DLGAP4: variants seen among roughly 807,000 people sequenced by gnomAD.
The protein encoded by DLGAP4 is DLG associated protein 4, also known as disks large-associated protein 4.
In DLGAP4, 18 loss-of-function variants were observed where a neutral mutation model predicts 86.9. The observed-to-expected ratio is 0.21, with a 90% CI of 0.14 to 0.31. The LOEUF (loss-of-function observed/expected upper bound fraction) is 0.31, where lower values mean the gene tolerates loss of function less well. DLGAP4 is among the 10% of genes least tolerant of loss of function. The pLI, the probability that DLGAP4 is intolerant of heterozygous loss-of-function variation, is 1.00. For synonymous variants in DLGAP4, 548 were observed against 574.3 expected (o/e 0.95, Z 0.65); for missense variants, 1,085 against 1,362.6 (o/e 0.80, Z 3.21).
At chr20:36,414,389 C>A (rs1012360414) in intron 2 of DLGAP4, among the ~76,000 whole-genome samples, 1 of 152,226 alleles carries the variant, frequency 6.6e-6, no homozygotes, top group Non-Finnish European at 1.5e-5. Context: ...CTGTGGCCAG[C>A]TGTCCCCCAC....
intron 2 of DLGAP4, among the ~76,000 whole-genome samples, chr20:36,405,076 C>T (rs1223778308): frequency 6.6e-6 from 1 of 152,124 alleles, no homozygotes; most frequent in Non-Finnish European, 1.5e-5. Context: ...CTGGGAAGAG[C>T]GAATGGCATG....
At chr20:36,503,622 G>C (rs889520339) in intron 10 of DLGAP4, among the ~76,000 whole-genome samples, 1 of 151,894 alleles carries the variant, frequency 6.6e-6, no homozygotes, top group African/African-American at 2.4e-5. Context: ...CCAGTAGCTG[G>C]AACTACAGGC....
rs950345881 is a variant in DLGAP4 at position 36,431,272 on chromosome 20, G to A, written c.-72-374G>A. ...GGTATTTGCATCTATGTGGACCCTCGGGGTGAGGGACAGAGTCAGAAACGG... is the reference window on the plus strand; with the variant it reads ...GGTATTTGCATCTATGTGGACCCTCAGGGTGAGGGACAGAGTCAGAAACGG... On this transcript the variant is annotated intron_variant, in intron 2 of 12. Transcript: ENST00000339266. The surrounding 1 kb of genome is among the most constrained non-coding windows in gnomAD (Gnocchi z 5.1). Among the ~76,000 whole-genome samples, 6 of 152,064 alleles carry A rather than the reference G, an allele frequency of 3.9e-5. No homozygotes were observed. The highest frequency in any genetic ancestry group is 3.9e-4 in the Admixed American group (6 of 15,270).
At chr20:36,514,130 C>T (rs2036896235) in intron 10 of DLGAP4, among the ~76,000 whole-genome samples, 1 of 146,746 alleles carries the variant, frequency 6.8e-6, no homozygotes, top group East Asian at 2.0e-4. Flanking sequence ...AAAGGAAGAG[C>T]AATTGGAAGC....
intron 10 of DLGAP4, among the ~76,000 whole-genome samples, chr20:36,508,539 G>C (rs924648309): frequency 2.0e-5 from 3 of 148,306 alleles, no homozygotes; most frequent in African/African-American, 5.0e-5. Context: ...CAATTCTCCT[G>C]CCTCAGCCTC....
intron 2 of DLGAP4, among the ~76,000 whole-genome samples, chr20:36,397,656 T>C (rs1443002443): frequency 6.6e-6 from 1 of 152,254 alleles, no homozygotes; most frequent in Non-Finnish European, 1.5e-5. Flanking sequence ...TGTATTGTCA[T>C]TATCATTCAT....
chr20:36,513,921 T>C (rs536158020), intron 10 of DLGAP4, among the ~76,000 whole-genome samples: 41 of 152,212 alleles, frequency 2.7e-4, no homozygotes, highest in African/African-American at 9.6e-4. Context: ...GACATCAGAA[T>C]AGAGAAGTCA....
intron 2 of DLGAP4, among the ~76,000 whole-genome samples, chr20:36,403,611 A>G (rs2032227249): frequency 6.6e-6 from 1 of 152,274 alleles, no homozygotes; most frequent in African/African-American, 2.4e-5. Context: ...TTCTGGAAGT[A>G]TACAAGCAAA....
At chr20:36,485,897 C>A (rs1036029702) in intron 7 of DLGAP4, among the ~76,000 whole-genome samples, 3 of 152,134 alleles carry the variant, frequency 2.0e-5, no homozygotes, top group African/African-American at 4.8e-5. Context: ...TGCTCCGTGC[C>A]GAGGGTTTGT....
At chr20:36,435,393 C>T (rs1182332969) in intron 3 of DLGAP4, among the ~76,000 whole-genome samples, 1 of 152,202 alleles carries the variant, frequency 6.6e-6, no homozygotes, top group African/African-American at 2.4e-5. Context: ...AAGGTCCCCT[C>T]GGTTGGTTAC....
chr20:36,358,740 G>A (rs1026639348), intron 1 of DLGAP4, among the ~76,000 whole-genome samples: 4 of 152,120 alleles, frequency 2.6e-5, no homozygotes, highest in South Asian at 2.1e-4. Flanking sequence ...CCCAGGGGGC[G>A]GAGCTTGCAG....
chr20:36,330,929 T>C (rs1393866339), intron 1 of DLGAP4, among the ~76,000 whole-genome samples: 1 of 152,232 alleles, frequency 6.6e-6, no homozygotes, highest in East Asian at 1.9e-4. Context: ...CCGTAAATGT[T>C]AGCTATTGTC....
rs749843319 is a variant in DLGAP4, at chr20:36,432,130, G to T, written c.413G>T (p.Arg138Leu). 30 of 1,614,064 alleles carry T rather than the reference G, an allele frequency of 1.9e-5. No homozygotes were observed. Among genetic ancestry groups the T allele is most frequent in the Non-Finnish European group, 2.5e-5 (29 of 1,180,046 alleles). Residue 138 changes from arginine (R) to leucine (L), a missense_variant, in exon 3 of 13, where the codon CGC (arginine) becomes CTC (leucine). Physicochemically the swap from Arg to Leu is moderately radical, Grantham distance 102. Around this residue, in one of 2 missense-constraint regions of DLGAP4, gnomAD observed 1,082 missense variants for 1,344.1 expected, o/e 0.81. Coordinates refer to ENST00000339266, the MANE Select transcript of DLGAP4 (RefSeq NM_001365621.2). This position sits in a 1 kb window ranked among gnomAD's most constrained non-coding sequence, Gnocchi z 6.5. ...EAKARGESPG[R>L]IRHLVHSVQR... ...AAGGCCCGTGGTGAGAGCCCTGGCC[G>T]CATCCGCCACCTGGTCCACTCAGTC... is the stretch of plus-strand genomic sequence containing the variant.
intron 1 of DLGAP4, among the ~76,000 whole-genome samples, chr20:36,323,037 T>G (rs1484698789): frequency 6.6e-6 from 1 of 151,736 alleles, no homozygotes; most frequent in South Asian, 2.1e-4. Flanking sequence ...TAGCTGGGCA[T>G]GGTGGTGTGT....
chr20:36,385,199 C>T (rs2031551529), intron 2 of DLGAP4, among the ~76,000 whole-genome samples: 1 of 152,158 alleles, frequency 6.6e-6, no homozygotes, highest in South Asian at 2.1e-4. Context: ...ACTGTTGTGT[C>T]ACAAACAGGG....
At chr20:36,357,555 C>T (rs1431925418) in intron 1 of DLGAP4, among the ~76,000 whole-genome samples, 1 of 152,070 alleles carries the variant, frequency 6.6e-6, no homozygotes. Context: ...TGTCAGAGCT[C>T]GGTGTGAACA....
intron 10 of DLGAP4, among the ~76,000 whole-genome samples, chr20:36,502,806 C>T (rs1170618536): frequency 6.6e-6 from 1 of 152,030 alleles, no homozygotes; most frequent in Admixed American, 6.6e-5. Context: ...TCACTGCAAC[C>T]TCCACCTCCT....
chr20:36,522,702 G>C (rs1451135972), intron 10 of DLGAP4, among the ~76,000 whole-genome samples: 1 of 152,112 alleles, frequency 6.6e-6, no homozygotes. Flanking sequence ...ATTTTTAGTA[G>C]AGACAGGGTT....
intron 10 of DLGAP4, among the ~76,000 whole-genome samples, chr20:36,519,463 G>C (rs541964473): frequency 1.3e-5 from 2 of 152,180 alleles, no homozygotes; most frequent in Admixed American, 6.6e-5. Context: ...TGTACACACA[G>C]ATTTTCTTTT....
Sources: allele counts gnomAD v4.1 joint callset (sites outside exome capture counted in the v4.1 genomes callset), GRCh38; gene constraint gnomAD v4.1.1; regional missense constraint gnomAD v4.1.1; non-coding constraint Gnocchi (gnomAD v3.1); transcripts MANE v1.5; gene names NCBI Gene and HGNC (gene_info 2026-07-23, HGNC 2026-07-21).